GAREM2: variants seen among roughly 807,000 people sequenced by gnomAD.
GAREM2 encodes the protein GRB2-associated and regulator of MAPK protein 2.
Under a neutral mutation model 55.6 loss-of-function variants are expected in GAREM2, and 30 were observed. The ratio of observed to expected loss-of-function variants is 0.54; its 90% confidence interval spans 0.40 to 0.73. GAREM2 has a LOEUF of 0.73. Among genes scored for constraint, GAREM2 ranks in the 30% least tolerant of loss-of-function variants. The pLI is 0.00. For synonymous variants in GAREM2, 550 were observed against 569.1 expected, an observed-to-expected ratio of 0.97 and a Z score of 0.48; for missense variants, 1,075 against 1,257.7, an observed-to-expected ratio of 0.85 and a Z score of 2.20.
Position 26,186,223 on chromosome 2 carries a change from C to A in GAREM2, c.1463C>A (p.Pro488Gln). 6.5e-7 allele frequency: 1 copy of A among 1,541,916 alleles called. No individual in the cohort carries two copies. The highest frequency in any genetic ancestry group is 1.2e-5 in the South Asian group (1 of 82,504). The change falls in exon 5 of 6, where the codon CCA becomes CAA. Residue 488 changes from proline to glutamine, a missense_variant. By Grantham distance (76) the Pro-to-Gln change is moderately conservative. Around this residue, in one of 6 missense-constraint regions of GAREM2, gnomAD observed 515 missense variants for 501.5 expected, o/e 1.03. Transcript: ENST00000401533. ...GAGTGCCGCCTGCTCAATGCCCCTC[C>A]AGTGCCTCCCCGGGGTGGCAATGGC... ...KEECRLLNAP[P>Q]VPPRGGNGSG...
rs1008983466 is a variant in GAREM2 at position 26,179,874 on chromosome 2, G to A, written c.254-3093G>A. Among the ~76,000 whole-genome samples, 4 of 152,110 alleles carry A rather than the reference G, an allele frequency of 2.6e-5. No individual in the cohort carries two copies. Among genetic ancestry groups the A allele is most frequent in the African/African-American group, 9.7e-5 (4 of 41,404 alleles). On this transcript the variant is annotated intron_variant, in intron 2 of 5. Transcript: ENST00000401533. The surrounding 1 kb of genome is among the most constrained non-coding windows in gnomAD (Gnocchi z 4.7). ...GACTTGGCTCCAAGTCGCCCCACAG[G>A]GGGCAGTGGGCATTGCTCCCTGCCT...
chr2:26,203,217 T>C, the GAREM2 span, among the ~76,000 whole-genome samples: 2 of 152,254 alleles, frequency 1.3e-5, no homozygotes, highest in African/African-American at 4.8e-5. Flanking sequence ...CAGCAATATG[T>C]GAGCTTCTCT....
At chr2:26,184,178 G>A in intron 3 of GAREM2, 55 bp from the exon 4 acceptor site, 2 of 1,537,218 alleles carry the variant, frequency 1.3e-6, no homozygotes, top group South Asian at 1.2e-5. Flanking sequence ...GGAGCTGGCC[G>A]TGTGGCTTTC....
intron 2 of GAREM2, among the ~76,000 whole-genome samples, chr2:26,180,465 C>T (rs1669014145): frequency 6.6e-6 from 1 of 152,136 alleles, no homozygotes; most frequent in Admixed American, 6.5e-5. Flanking sequence ...GACCTTCAGT[C>T]TATTTCACTG....
chr2:26,201,460 T>C, the GAREM2 span: 2 of 643,642 alleles, frequency 3.1e-6, no homozygotes, highest in African/African-American at 3.7e-5. Flanking sequence ...AGGGAGACTT[T>C]CAAGTTGTTT....
At chr2:26,173,701 C>T (rs1465791831) in intron 1 of GAREM2, among the ~76,000 whole-genome samples, 1 of 151,942 alleles carries the variant, frequency 6.6e-6, no homozygotes, top group African/African-American at 2.4e-5. Context: ...TGTCCCTGGC[C>T]TCTCACCTCT....
intron 5 of GAREM2, among the ~76,000 whole-genome samples, chr2:26,186,868 G>C (rs1284146576): frequency 6.6e-6 from 1 of 152,178 alleles, no homozygotes; most frequent in African/African-American, 2.4e-5. Context: ...CCAGCTACTC[G>C]GGAAGCTGAG....
chr2:26,201,716 T>C, the GAREM2 span, among the ~76,000 whole-genome samples: 1 of 152,206 alleles, frequency 6.6e-6, no homozygotes. Flanking sequence ...GCAGCCAAAG[T>C]GTGTCTGAGA....
chr2:26,187,138 A>G, intron 5 of GAREM2, 93 bp from the exon 6 acceptor site: 1 of 1,361,790 alleles, frequency 7.3e-7, no homozygotes. Flanking sequence ...TGCTGAGGTC[A>G]TAGTGGTGCT....
chr2:26,190,966 CA>C (rs1474133741), downstream of GAREM2: 2 of 534,878 alleles, frequency 3.7e-6, no homozygotes, highest in African/African-American at 3.8e-5. Flanking sequence ...GAGGAACAGG[CA>C]GAGAGGTGGC....
downstream of GAREM2, chr2:26,191,313 C>CTGTT (rs868816467): frequency 6.2e-6 from 10 of 1,613,728 alleles, no homozygotes; most frequent in African/African-American, 6.7e-5. Context: ...ATGGGGTGAA[C>CTGTT]TGTTTTCCAT....
In GAREM2 at chr2:26,183,041, G is replaced by A. The variant is rs1225424904; in HGVS notation, c.328G>A (p.Ala110Thr). The A allele has an allele frequency of 1.3e-6, 2 of 1,551,708 alleles. No individual in the cohort carries two copies. The highest frequency in any genetic ancestry group is 2.0e-5 in the Admixed American group (1 of 51,000). Residue 110 changes from alanine (A) to threonine (T), a missense_variant, in exon 3 of 6, where the codon GCC becomes ACC. Transcript: ENST00000401533. ...VRYFSSVEEV[A>T]SVFPDRIFVM... Reference sequence around the variant, plus strand: ...GTACTTCAGCAGCGTGGAGGAGGTGGCCAGTGTCTTCCCTGACCGCATCTT... The same window carrying A: ...GTACTTCAGCAGCGTGGAGGAGGTGACCAGTGTCTTCCCTGACCGCATCTT...
At chr2:26,194,007 A>G (rs1286798067), downstream of GAREM2, among the ~76,000 whole-genome samples, 1 of 152,230 alleles carries the variant, frequency 6.6e-6, no homozygotes. Context: ...AGAGATGACT[A>G]AATTCTTCAT....
rs540635333 is a variant in GAREM2 at position 26,184,406 on chromosome 2, G to T, written c.558G>T (p.Gly186=). The T allele has an allele frequency of 1.3e-6, 2 of 1,486,774 alleles. No individual in the cohort carries two copies. The highest frequency in any genetic ancestry group is 2.9e-5 in the African/African-American group (2 of 68,282). The allele number at this position is 1,486,774 out of a possible 1,614,324, so 92.1% of individuals were successfully genotyped here. A position where few individuals can be genotyped will look rare whatever the true frequency, so the allele number is the denominator to read the frequency against. The part of the protein sequence containing the change: ...RKLGRAGALA[G]VGGGGPASAG... Reference sequence around the variant, plus strand: ...TGGGCCGGGCCGGGGCGCTGGCCGGGGTGGGCGGCGGCGGCCCAGCGAGCG... The same window carrying T: ...TGGGCCGGGCCGGGGCGCTGGCCGGTGTGGGCGGCGGCGGCCCAGCGAGCG... Residue 186 remains glycine, a synonymous_variant, in exon 4 of 6, where the codon GGG becomes GGT. Transcript: ENST00000401533.
intron 5 of GAREM2, 150 bp from the exon 6 acceptor site, chr2:26,187,081 G>A (rs892447): frequency 0.73 from 888,214 of 1,217,004 alleles, 326,716 homozygotes; most frequent in African/African-American, 0.93. Context: ...GGAAGAACAC[G>A]GCCATTCCGG....
rs187681824 is a variant in GAREM2, at chr2:26,178,382, C to A, written c.253+1898C>A. Among the ~76,000 whole-genome samples the A allele has an allele frequency of 1.5e-3, 217 of 148,678 alleles. 1 individual carries two copies. Among genetic ancestry groups the A allele is most frequent in the African/African-American group, 5.3e-3 (211 of 39,818 alleles). On this transcript the variant is annotated intron_variant, in intron 2 of 5. Coordinates refer to ENST00000401533, the MANE Select transcript of GAREM2 (RefSeq NM_001168241.2). ...TTCCAGGCCAGCCTGGGCAACATAG[C>A]GAGAACAAACAAAAACAAAAACAAA...
intron 2 of GAREM2, among the ~76,000 whole-genome samples, chr2:26,177,306 C>T (rs1273388164): frequency 2.0e-5 from 3 of 152,192 alleles, no homozygotes; most frequent in Admixed American, 6.5e-5. Context: ...CTGGTGGCCC[C>T]ATCCCAGAGA....
intron 2 of GAREM2, among the ~76,000 whole-genome samples, chr2:26,178,381 G>A (rs1015275053): frequency 6.7e-6 from 1 of 149,662 alleles, no homozygotes; most frequent in Admixed American, 6.7e-5. Flanking sequence ...GGGCAACATA[G>A]CGAGAACAAA....
chr2:26,194,580 C>A (rs779324271), downstream of GAREM2: 1 of 1,605,220 alleles, frequency 6.2e-7, no homozygotes, highest in South Asian at 1.1e-5. Context: ...CTGGAGGATT[C>A]GGATGACTTC....
Sources: gnomAD v4.1 joint callset for allele counts (sites outside exome capture counted in the v4.1 genomes callset) on GRCh38, gnomAD v4.1.1 for gene constraint, gnomAD v4.1.1 regional missense constraint, Gnocchi (gnomAD v3.1) non-coding constraint, MANE v1.5 for transcripts, NCBI Gene and HGNC (gene_info 2026-07-23, HGNC 2026-07-21) for gene names.